ANO10: variants seen among roughly 807,000 people sequenced by gnomAD.
The protein encoded by ANO10 is anoctamin 10.
In ANO10, 77 loss-of-function variants were observed where a neutral mutation model predicts 74.7. That is an observed-to-expected ratio of 1.03 (90% CI 0.86 to 1.25). The LOEUF is 1.25. Among genes scored for constraint, ANO10 ranks in the 50% most tolerant of loss-of-function variants. The pLI, the probability that ANO10 is intolerant of heterozygous loss-of-function variation, is 0.00. For synonymous variants in ANO10, 279 were observed against 284.9 expected, an observed-to-expected ratio of 0.98 and a Z score of 0.21; for missense variants, 721 against 778.1, an observed-to-expected ratio of 0.93 and a Z score of 0.87.
chr3:43,537,274 G>C (rs1259796215), intron 11 of ANO10, among the ~76,000 whole-genome samples: 1 of 152,070 alleles, frequency 6.6e-6, no homozygotes, highest in African/African-American at 2.4e-5. Flanking sequence ...TCCTTTTCCA[G>C]CATAAAAGAA....
At chr3:43,568,241 C>A (rs1208386230) in intron 7 of ANO10, among the ~76,000 whole-genome samples, 1 of 152,116 alleles carries the variant, frequency 6.6e-6, no homozygotes, top group East Asian at 1.9e-4. Context: ...TAATGGGAGA[C>A]TTTAACACCC....
chr3:43,470,719 C>A (rs1049956982), intron 11 of ANO10, among the ~76,000 whole-genome samples: 3 of 151,940 alleles, frequency 2.0e-5, no homozygotes, highest in African/African-American at 7.2e-5. Flanking sequence ...CTCAACCTCC[C>A]GGGCTCAAGC....
intron 1 of ANO10, among the ~76,000 whole-genome samples, chr3:43,636,702 T>C (rs1019598958): frequency 6.6e-6 from 1 of 152,252 alleles, no homozygotes; most frequent in Non-Finnish European, 1.5e-5. Flanking sequence ...ATTTGTACAA[T>C]ATATTGTCAT....
intron 9 of ANO10, among the ~76,000 whole-genome samples, chr3:43,557,893 C>T (rs2079836155): frequency 6.6e-6 from 1 of 151,666 alleles, no homozygotes; most frequent in Non-Finnish European, 1.5e-5. Flanking sequence ...CTGCTTAAAT[C>T]CAGGAGTTCA....
chr3:43,648,621 T>A (rs965551512), intron 1 of ANO10, among the ~76,000 whole-genome samples: 1 of 151,294 alleles, frequency 6.6e-6, no homozygotes, highest in Non-Finnish European at 1.5e-5. Context: ...GTGAGGGTGA[T>A]CGATCGGAGG....
intron 1 of ANO10, among the ~76,000 whole-genome samples, chr3:43,607,822 G>A (rs2082634142): frequency 6.6e-6 from 1 of 152,036 alleles, no homozygotes; most frequent in Non-Finnish European, 1.5e-5. Context: ...TATTTTTAAT[G>A]GAAATTCTAG....
At chr3:43,547,576 G>A (rs1226281548) in intron 11 of ANO10, among the ~76,000 whole-genome samples, 1 of 152,092 alleles carries the variant, frequency 6.6e-6, no homozygotes, top group East Asian at 1.9e-4. Context: ...ACAATGTGAA[G>A]AGACAATAAA....
intron 12 of ANO10, among the ~76,000 whole-genome samples, chr3:43,382,011 T>C (rs2091972829): frequency 6.6e-6 from 1 of 152,158 alleles, no homozygotes; most frequent in African/African-American, 2.4e-5. Flanking sequence ...AAAAAATTAT[T>C]TGAACTGAAT....
At chr3:43,690,978 T>A in intron 1 of ANO10, 1 of 1,570,708 alleles carries the variant, frequency 6.4e-7, no homozygotes, top group Non-Finnish European at 8.6e-7. Flanking sequence ...TCCCGGCGCT[T>A]GCGCGGCGGC....
chr3:43,382,356 A>G (rs1157611916), intron 12 of ANO10, among the ~76,000 whole-genome samples: 2 of 152,014 alleles, frequency 1.3e-5, no homozygotes, highest in African/African-American at 4.8e-5. Context: ...CGTCTCTACT[A>G]AAAATACAAA....
chr3:43,485,674 G>T, intron 11 of ANO10: 2 of 181,642 alleles, frequency 1.1e-5, no homozygotes. Flanking sequence ...CGCAGTGGGG[G>T]CTTCTCAAAC....
chr3:43,421,100 G>A (rs1289328139), intron 12 of ANO10, among the ~76,000 whole-genome samples: 1 of 152,030 alleles, frequency 6.6e-6, no homozygotes, highest in Non-Finnish European at 1.5e-5. Context: ...GCACACACCT[G>A]TAGTCCCAGC....
intron 1 of ANO10, among the ~76,000 whole-genome samples, chr3:43,664,905 T>C (rs570692723): frequency 6.6e-5 from 10 of 150,828 alleles, no homozygotes; most frequent in African/African-American, 2.2e-4. Flanking sequence ...TGTGGAAAAA[T>C]AGGAATGCTT....
In ANO10 at chr3:43,576,722, G is replaced by A. The variant is rs773121159; in HGVS notation, c.1132C>T (p.Arg378Ter). Reference sequence around the variant, plus strand: ...GAAGTTAAAAACTCGGCAGCATATCGATAGAGACGATTCATGATCTCAATC... The same window carrying A: ...GAAGTTAAAAACTCGGCAGCATATCAATAGAGACGATTCATGATCTCAATC... ...IVIEIMNRLY[R>*]YAAEFLTSWE... is the part of the protein sequence containing the mutation. The change falls in exon 6 of 13, where the codon CGA becomes TGA. Residue 378 changes from arginine (R) to a stop codon, truncating the protein, a stop_gained. Coordinates refer to ENST00000292246, the MANE Select transcript of ANO10 (RefSeq NM_018075.5). LOFTEE classifies it high-confidence loss of function. 6.2e-6 allele frequency: 10 copies of A among 1,614,008 alleles called. 1 individual carries two copies. The South Asian group carries it at 8.8e-5, about 14-fold the overall frequency.
At chr3:43,421,197 T>C (rs2092815260) in intron 12 of ANO10, among the ~76,000 whole-genome samples, 2 of 150,038 alleles carry the variant, frequency 1.3e-5, no homozygotes, top group East Asian at 2.0e-4. Flanking sequence ...CACTCCAGGG[T>C]AGATGACAGA....
chr3:43,675,118 A>C (rs984779977), intron 1 of ANO10, among the ~76,000 whole-genome samples: 1 of 152,226 alleles, frequency 6.6e-6, no homozygotes, highest in African/African-American at 2.4e-5. Context: ...ATTCAAAATG[A>C]TTTAAGAACT....
intron 12 of ANO10, among the ~76,000 whole-genome samples, chr3:43,406,431 A>G (rs2092577580): frequency 6.6e-6 from 1 of 152,236 alleles, no homozygotes; most frequent in African/African-American, 2.4e-5. Flanking sequence ...TTGTGAGCCA[A>G]TACTGAAATA....
chr3:43,561,188 T>C (rs1468924827), intron 9 of ANO10, 32 bp downstream of exon 9: 1 of 1,608,934 alleles, frequency 6.2e-7, no homozygotes, highest in Admixed American at 1.7e-5. Context: ...TCACTCTCAG[T>C]AAATGTTTAA....
At chr3:43,666,116 T>G (rs1461584401) in intron 1 of ANO10, among the ~76,000 whole-genome samples, 1 of 152,204 alleles carries the variant, frequency 6.6e-6, no homozygotes, top group Admixed American at 6.5e-5. Context: ...ATTCAAACCC[T>G]GATTTGTATG....
Sources: gnomAD v4.1 joint callset for allele counts (sites outside exome capture counted in the v4.1 genomes callset) on GRCh38, gnomAD v4.1.1 for gene constraint, MANE v1.5 for transcripts, NCBI Gene and HGNC (gene_info 2026-07-23, HGNC 2026-07-21) for gene names.